SPECC1: variants seen among roughly 807,000 people sequenced by gnomAD.
SPECC1 encodes the protein sperm antigen with calponin homology and coiled-coil domains 1.
Under a neutral mutation model 104.1 loss-of-function variants are expected in SPECC1, and 62 were observed. The ratio of observed to expected loss-of-function variants is 0.60; its 90% CI spans 0.49 to 0.74. The LOEUF (loss-of-function observed/expected upper bound fraction) is 0.74, where lower values mean the gene tolerates loss of function less well. Ranked by LOEUF, SPECC1 falls within the 30% of genes least tolerant of loss-of-function variation. The pLI, the probability that SPECC1 is intolerant of heterozygous loss-of-function variation, is 0.00. For synonymous variants in SPECC1, 513 were observed against 501.6 expected (o/e 1.02, Z -0.30); for missense variants, 1,306 against 1,310.5 (o/e 1.00, Z 0.05).
intron 4 of SPECC1, among the ~76,000 whole-genome samples, chr17:20,207,742 A>G (rs2036878942): frequency 6.6e-6 from 1 of 152,168 alleles, no homozygotes; most frequent in African/African-American, 2.4e-5. Context: ...TTCTCAGTTT[A>G]TACATGTTTG....
chr17:20,164,121 T>C (rs1357316951), intron 3 of SPECC1, among the ~76,000 whole-genome samples: 1 of 152,154 alleles, frequency 6.6e-6, no homozygotes, highest in Non-Finnish European at 1.5e-5. Context: ...TAAAAGATGT[T>C]TACATAAGTG....
intron 7 of SPECC1, among the ~76,000 whole-genome samples, chr17:20,234,134 C>T (rs888563725): frequency 6.6e-6 from 1 of 152,206 alleles, no homozygotes; most frequent in African/African-American, 2.4e-5. Flanking sequence ...ACTCCCTATG[C>T]TGCATCCTGC....
chr17:20,092,017 C>T (rs56267204), intron 1 of SPECC1, among the ~76,000 whole-genome samples: 10,748 of 152,196 alleles, frequency 0.071, 417 homozygotes, highest in Non-Finnish European at 0.081. Flanking sequence ...TGTTGCCCAG[C>T]GCCTAATTGT....
intron 1 of SPECC1, among the ~76,000 whole-genome samples, chr17:20,092,047 C>T (rs1030372557): frequency 6.6e-6 from 1 of 152,134 alleles, no homozygotes; most frequent in Admixed American, 6.5e-5. Flanking sequence ...ATAGGGGTTC[C>T]CTCTCTCCTC....
At chr17:20,256,205 A>G (rs945210652) in intron 10 of SPECC1, among the ~76,000 whole-genome samples, 1 of 152,156 alleles carries the variant, frequency 6.6e-6, no homozygotes, top group African/African-American at 2.4e-5. Context: ...GACACGGTAC[A>G]TACTGAACTT....
At chr17:20,243,402 T>TA (rs1286765097) in intron 7 of SPECC1, among the ~76,000 whole-genome samples, 1 of 152,230 alleles carries the variant, frequency 6.6e-6, no homozygotes, top group Non-Finnish European at 1.5e-5. Context: ...AGGCTGTTAC[T>TA]AATTGATCCC....
At chr17:20,251,726 A>G (rs1230665228) in intron 9 of SPECC1, among the ~76,000 whole-genome samples, 2 of 152,250 alleles carry the variant, frequency 1.3e-5, no homozygotes, top group South Asian at 2.1e-4. Flanking sequence ...AATTATGGTA[A>G]TGAAAATAGC....
intron 14 of SPECC1, among the ~76,000 whole-genome samples, chr17:20,309,993 A>G (rs1366989726): frequency 2.7e-5 from 4 of 150,142 alleles, no homozygotes; most frequent in African/African-American, 9.8e-5. Flanking sequence ...AATTTTTTGT[A>G]TTTTTTTTAG....
rs765722506 is a variant in SPECC1 at position 20,205,347 on chromosome 17, C to A, written c.1298C>A (p.Ala433Glu). The change falls in exon 4 of 15, where the codon GCA becomes GAA. Residue 433 changes from alanine to glutamate, a missense_variant. By Grantham distance (107) the Ala-to-Glu change is moderately radical. Transcript: ENST00000395527. ...ETSFHQHRERAEQLSQENEKL... is the reference protein window; with the variant it reads ...ETSFHQHREREEQLSQENEKL... ...TCCTTTCATCAGCATCGAGAGAGGG[C>A]AGAGCAGCTAAGTCAAGAAAATGAG... The A allele has an allele frequency of 3.1e-6, 5 of 1,614,062 alleles. No homozygotes were observed. Among genetic ancestry groups the A allele is most frequent in the Non-Finnish European group, 4.2e-6 (5 of 1,180,038 alleles).
chr17:20,016,455 G>A (rs2044129568), intron 1 of SPECC1, among the ~76,000 whole-genome samples: 1 of 152,178 alleles, frequency 6.6e-6, no homozygotes, highest in African/African-American at 2.4e-5. Context: ...GCTTTGCAGG[G>A]AGGTGTGGAG....
intron 3 of SPECC1, among the ~76,000 whole-genome samples, chr17:20,132,801 G>A (rs1012316353): frequency 2.0e-5 from 3 of 151,746 alleles, no homozygotes; most frequent in Non-Finnish European, 4.4e-5. Flanking sequence ...GTGCAGTGGC[G>A]TGATCTCGGC....
In SPECC1 at chr17:20,074,192, C is replaced by T. The variant is rs116650071; in HGVS notation, c.-21-22439C>T. On this transcript the variant is annotated intron_variant, in intron 1 of 14. Transcript: ENST00000395527. ...CCTGGAACGTTCTCGAGTCATCTCC[C>T]CTTGGAGGAGATCAGCACTGTAGTG... Among the ~76,000 whole-genome samples the T allele has an allele frequency of 9.6e-3, 1,461 of 152,248 alleles. 21 individuals carry two copies. The highest frequency in any genetic ancestry group is 0.033 in the African/African-American group (1,388 of 41,534).
intron 7 of SPECC1, chr17:20,237,351 G>A: frequency 1.0e-6 from 1 of 969,430 alleles, no homozygotes; most frequent in Admixed American, 5.9e-5. Context: ...TTTCACTCTT[G>A]TTGCCCAGGC....
At chr17:20,153,969 C>G (rs139870162) in intron 3 of SPECC1, among the ~76,000 whole-genome samples, 2 of 152,346 alleles carry the variant, frequency 1.3e-5, no homozygotes, top group African/African-American at 2.4e-5. Flanking sequence ...TTTGCTTGTA[C>G]ATGCTCAGTA....
intron 2 of SPECC1, 86 bp from the exon 3 acceptor site, chr17:20,110,341 G>A: frequency 1.4e-6 from 2 of 1,473,618 alleles, no homozygotes. Context: ...TGGGCACATA[G>A]CCCAGCTCCC....
At chr17:20,033,480 T>A (rs899335078) in intron 1 of SPECC1, among the ~76,000 whole-genome samples, 1 of 152,168 alleles carries the variant, frequency 6.6e-6, no homozygotes, top group South Asian at 2.1e-4. Context: ...AAAAGGTTTA[T>A]TGGGCTCATG....
At chr17:20,236,819 A>G in intron 7 of SPECC1, 2 of 1,613,412 alleles carry the variant, frequency 1.2e-6, no homozygotes, top group Admixed American at 1.7e-5. Flanking sequence ...TGCCTTAGGT[A>G]ACTCCTTTAC....
chr17:20,187,813 T>C (rs879271335), intron 3 of SPECC1, among the ~76,000 whole-genome samples: 16 of 152,176 alleles, frequency 1.1e-4, no homozygotes, highest in Admixed American at 1.0e-3. Context: ...ATCCAATGAA[T>C]GGACCCCGGG....
intron 1 of SPECC1, among the ~76,000 whole-genome samples, chr17:20,045,016 C>T (rs2045483360): frequency 6.6e-6 from 1 of 152,186 alleles, no homozygotes; most frequent in Admixed American, 6.5e-5. Flanking sequence ...GCTTTATTTC[C>T]TGAATTTTCT....
Sources: gnomAD v4.1 joint callset for allele counts (sites outside exome capture counted in the v4.1 genomes callset) on GRCh38, gnomAD v4.1.1 for gene constraint, MANE v1.5 for transcripts, NCBI Gene and HGNC (gene_info 2026-07-23, HGNC 2026-07-21) for gene names.